Variants in HIBADH observed in about 807,000 individuals in gnomAD.
The protein encoded by HIBADH is 3-hydroxyisobutyrate dehydrogenase, mitochondrial.
A neutral mutation model predicts 36.1 loss-of-function variants in HIBADH; 25 were observed. The ratio of observed to expected loss-of-function variants is 0.69; its 90% confidence interval spans 0.50 to 0.97. The LOEUF (loss-of-function observed/expected upper bound fraction) is 0.97, where lower values mean the gene tolerates loss of function less well. HIBADH is among the 50% of genes least tolerant of loss of function. The pLI is 0.00. For missense variants in HIBADH, 421 were observed against 418.0 expected (o/e 1.01, Z -0.06); for synonymous variants, 160 against 149.5 (o/e 1.07, Z -0.51).
chr7:27,558,553 C>G (rs1370362201), intron 4 of HIBADH, among the ~76,000 whole-genome samples: 1 of 152,056 alleles, frequency 6.6e-6, no homozygotes, highest in Non-Finnish European at 1.5e-5. Flanking sequence ...TCTCAAACTC[C>G]TAAGCTCAAG....
chr7:27,642,781 A>G (rs1785985506), intron 2 of HIBADH, among the ~76,000 whole-genome samples: 1 of 150,150 alleles, frequency 6.7e-6, no homozygotes, highest in Admixed American at 6.7e-5. Context: ...CCTCCCAAGT[A>G]GCTGGGACTA....
At chr7:27,585,739 G>T (rs1020277719) in intron 4 of HIBADH, among the ~76,000 whole-genome samples, 1 of 152,176 alleles carries the variant, frequency 6.6e-6, no homozygotes, top group Non-Finnish European at 1.5e-5. Flanking sequence ...TGTCCTAAAA[G>T]TGAGTGAGTT....
At chr7:27,539,316 G>A (rs1784113037) in intron 5 of HIBADH, among the ~76,000 whole-genome samples, 1 of 152,110 alleles carries the variant, frequency 6.6e-6, no homozygotes. Flanking sequence ...GGAAATGAAG[G>A]TCAACAATGA....
chr7:27,571,719 G>A (rs575564170), intron 4 of HIBADH, among the ~76,000 whole-genome samples: 4 of 152,092 alleles, frequency 2.6e-5, no homozygotes, highest in Admixed American at 2.6e-4. Flanking sequence ...TGAGTTCTAA[G>A]ATTCCTGGAT....
intron 4 of HIBADH, among the ~76,000 whole-genome samples, chr7:27,624,823 T>G (rs1317057267): frequency 6.6e-6 from 1 of 152,238 alleles, no homozygotes; most frequent in Non-Finnish European, 1.5e-5. Flanking sequence ...TATCACTGCT[T>G]ATCCTGTCTA....
intron 1 of HIBADH, among the ~76,000 whole-genome samples, chr7:27,650,063 C>T (rs1368644680): frequency 6.6e-6 from 1 of 151,948 alleles, no homozygotes; most frequent in East Asian, 1.9e-4. Context: ...CATTCTTTTA[C>T]CATTTTTAAC....
At chr7:27,613,558 T>C (rs1043999207) in intron 4 of HIBADH, among the ~76,000 whole-genome samples, 2 of 152,070 alleles carry the variant, frequency 1.3e-5, no homozygotes, top group Non-Finnish European at 2.9e-5. Context: ...AGTTGATCTT[T>C]AACAGAAACT....
intron 2 of HIBADH, among the ~76,000 whole-genome samples, chr7:27,634,493 A>C (rs1223316358): frequency 6.6e-6 from 1 of 152,200 alleles, no homozygotes; most frequent in Non-Finnish European, 1.5e-5. Context: ...AATAAGAAAA[A>C]AAAAGTTGTA....
chr7:27,530,466 C>A (rs1168466978), intron 7 of HIBADH, among the ~76,000 whole-genome samples: 2 of 152,044 alleles, frequency 1.3e-5, no homozygotes, highest in East Asian at 3.9e-4. Context: ...CTCGGCCTCC[C>A]AAAATGCTGG....
At chr7:27,545,013 T>C (rs1440847042) in intron 4 of HIBADH, among the ~76,000 whole-genome samples, 1 of 152,236 alleles carries the variant, frequency 6.6e-6, no homozygotes, top group Admixed American at 6.5e-5. Flanking sequence ...GACTTCATCA[T>C]AACCTACATC....
chr7:27,571,837 T>C lies in HIBADH; in HGVS notation c.485-28737A>G, dbSNP rs1314464090. ...AATTATTGGTTGAGTATCTTCCCAA[T>C]TGGATGAGTAATTTAAATTTGAACT... On this transcript the variant is annotated intron_variant, in intron 4 of 7. Transcript: ENST00000265395. Among the ~76,000 whole-genome samples, 7 of 152,324 alleles carry C rather than the reference T, an allele frequency of 4.6e-5. No individual in the cohort carries two copies. In the East Asian group the frequency reaches 5.8e-4, roughly 13 times the overall value.
At chr7:27,636,170 C>T (rs78506894) in intron 2 of HIBADH, among the ~76,000 whole-genome samples, 1,632 of 152,222 alleles carry the variant, frequency 0.011, 26 homozygotes, top group African/African-American at 0.037. Context: ...ACAAATGTTA[C>T]CTAGTTGCTT....
At chr7:27,626,104 G>GAAAAAAAAAAAAAA (rs70994672) in intron 4 of HIBADH, among the ~76,000 whole-genome samples, 4 of 72,494 alleles carry the variant, frequency 5.5e-5, no homozygotes, top group African/African-American at 1.1e-4. Context: ...CTCCGTCTCA[G>GAAAAAAAAAAAAAA]AAAAAAAAAA....
rs189212509 is a variant in HIBADH at position 27,552,656 on chromosome 7, T to G, written c.485-9556A>C. Among the ~76,000 whole-genome samples the G allele has an allele frequency of 9.7e-4, 148 of 152,304 alleles. 1 individual carries two copies. Among genetic ancestry groups the G allele is most frequent in the African/African-American group, 3.4e-3 (141 of 41,574 alleles). ...ATGTGTTGTTAAGTGCTGGCTTGTG[T>G]TAAATTCTAGAATATGACTTTTAAA... On this transcript the variant is annotated intron_variant, in intron 4 of 7. Transcript: ENST00000265395.
chr7:27,598,074 A>C (rs1785060585), intron 4 of HIBADH, among the ~76,000 whole-genome samples: 1 of 152,242 alleles, frequency 6.6e-6, no homozygotes, highest in South Asian at 2.1e-4. Context: ...GAATTTAATC[A>C]ATCAAAAATT....
chr7:27,586,514 T>C (rs1302311953), intron 4 of HIBADH, among the ~76,000 whole-genome samples: 1 of 152,138 alleles, frequency 6.6e-6, no homozygotes, highest in African/African-American at 2.4e-5. Context: ...TTCTAGAAAT[T>C]AAAATTTCCT....
chr7:27,654,953 C>T (rs1323548272), intron 1 of HIBADH, among the ~76,000 whole-genome samples: 1 of 152,108 alleles, frequency 6.6e-6, no homozygotes, highest in Admixed American at 6.6e-5. Flanking sequence ...TCCTAAAGTT[C>T]TAGGAGCGCA....
At chr7:27,531,925 C>CT (rs1784009947) in intron 6 of HIBADH, among the ~76,000 whole-genome samples, 1 of 152,084 alleles carries the variant, frequency 6.6e-6, no homozygotes, top group Non-Finnish European at 1.5e-5. Context: ...TTGCTGCAAA[C>CT]TTTTCCTTAT....
intron 7 of HIBADH, among the ~76,000 whole-genome samples, chr7:27,526,737 A>C (rs1048766676): frequency 6.6e-6 from 1 of 152,220 alleles, no homozygotes; most frequent in African/African-American, 2.4e-5. Context: ...TAAAACTGCA[A>C]AACAGGAAAT....
Sources: allele counts gnomAD v4.1 joint callset (sites outside exome capture counted in the v4.1 genomes callset), GRCh38; gene constraint gnomAD v4.1.1; transcripts MANE v1.5; gene names NCBI Gene and HGNC (gene_info 2026-07-23, HGNC 2026-07-21).